The following LRP12 variants were observed in gnomAD, a reference collection of about 807,000 sequenced individuals.
The protein encoded by LRP12 is LDL receptor related protein 12, also known as low-density lipoprotein receptor-related protein 12.
A neutral mutation model predicts 66.0 loss-of-function variants in LRP12; 14 were observed. The ratio of observed to expected loss-of-function variants is 0.21; its 90% CI spans 0.14 to 0.33. The LOEUF (loss-of-function observed/expected upper bound fraction) is 0.33, where lower values mean the gene tolerates loss of function less well. Ranked by LOEUF, LRP12 falls within the 10% of genes least tolerant of loss-of-function variation. The pLI is 1.00. For synonymous variants in LRP12, 357 were observed against 359.1 expected, an observed-to-expected ratio of 0.99 and a Z score of 0.07; for missense variants, 889 against 1,053.4, an observed-to-expected ratio of 0.84 and a Z score of 2.16.
chr8:104,563,496 T>C (rs1250389344), intron 1 of LRP12, among the ~76,000 whole-genome samples: 1 of 152,098 alleles, frequency 6.6e-6, no homozygotes, highest in Non-Finnish European at 1.5e-5. Context: ...GATAAGCAAA[T>C]GAATCTGTGT....
intron 2 of LRP12, among the ~76,000 whole-genome samples, chr8:104,524,295 T>C (rs1287437115): frequency 6.7e-6 from 1 of 150,366 alleles, no homozygotes; most frequent in East Asian, 1.9e-4. Flanking sequence ...AACGTACATA[T>C]ATTTAATTGA....
chr8:104,529,731 G>T (rs1162956659), intron 2 of LRP12, among the ~76,000 whole-genome samples: 1 of 152,074 alleles, frequency 6.6e-6, no homozygotes, highest in Non-Finnish European at 1.5e-5. Context: ...TGATTCAAAG[G>T]GTAAGAAAGA....
At chr8:104,551,789 C>T (rs1272285067) in intron 1 of LRP12, among the ~76,000 whole-genome samples, 2 of 152,130 alleles carry the variant, frequency 1.3e-5, no homozygotes, top group East Asian at 3.8e-4. Flanking sequence ...CAAAGAAAGT[C>T]CTTCTCCCCT....
chr8:104,554,886 T>C (rs1198405609), intron 1 of LRP12, among the ~76,000 whole-genome samples: 3 of 152,144 alleles, frequency 2.0e-5, no homozygotes, highest in African/African-American at 7.2e-5. Context: ...AAGCATCAGG[T>C]AACCTATAAA....
chr8:104,548,440 ATAT>A lies in LRP12; in HGVS notation c.80-16480_80-16478del, dbSNP rs551696751. Reference sequence around the variant, plus strand: ...ATTAATAATTAAAATATATAATTCTATATTATATTATATTTTGTATCTAATATA... The same window carrying A: ...ATTAATAATTAAAATATATAATTCTATATATTATATTTTGTATCTAATATA... On this transcript the variant is annotated intron_variant, in intron 1 of 6. Coordinates refer to ENST00000276654, the MANE Select transcript of LRP12 (RefSeq NM_013437.5). 7.2e-3 allele frequency among the ~76,000 whole-genome samples: 789 copies of A among 110,286 alleles called. 26 individuals are homozygous for A. Among genetic ancestry groups the A allele is most frequent in the African/African-American group, 0.019 (440 of 23,018 alleles). The allele number at this position is 110,286 out of a possible 152,430, so 72.4% of individuals were successfully genotyped here.
chr8:104,506,291 A>C (rs892909530), intron 3 of LRP12: 1 of 152,240 alleles, frequency 6.6e-6, no homozygotes, highest in African/African-American at 2.4e-5. Context: ...GCATAAAGAA[A>C]GTTAAGAAAT....
At chr8:104,536,281 A>G (rs916845362) in intron 1 of LRP12, among the ~76,000 whole-genome samples, 29 of 152,028 alleles carry the variant, frequency 1.9e-4, no homozygotes, top group African/African-American at 6.8e-4. Flanking sequence ...TTCATTAAAC[A>G]TTATTTCTTT....
In LRP12 at chr8:104,531,152, C is replaced by T. The variant is rs115802009; in HGVS notation, c.136+755G>A. On this transcript the variant is annotated intron_variant, in intron 2 of 6. Coordinates refer to ENST00000276654, the MANE Select transcript of LRP12 (RefSeq NM_013437.5). Reference sequence around the variant, plus strand: ...AAGTTAATCAATGGATTGATAAATACACTAAGTACAGTTTTAACCACACAA... The same window carrying T: ...AAGTTAATCAATGGATTGATAAATATACTAAGTACAGTTTTAACCACACAA... Among the ~76,000 whole-genome samples, 201 of 152,212 alleles carry T rather than the reference C, an allele frequency of 1.3e-3. 1 individual carries two copies. The highest frequency in any genetic ancestry group is 4.6e-3 in the African/African-American group (191 of 41,564).
At chr8:104,510,346 C>A (rs920734724) in intron 2 of LRP12, among the ~76,000 whole-genome samples, 5 of 152,160 alleles carry the variant, frequency 3.3e-5, no homozygotes, top group Non-Finnish European at 5.9e-5. Flanking sequence ...ATGATTCCTA[C>A]ATTATTTAAA....
At chr8:104,511,689 C>A (rs557483931) in intron 2 of LRP12, among the ~76,000 whole-genome samples, 1 of 152,256 alleles carries the variant, frequency 6.6e-6, no homozygotes, top group East Asian at 1.9e-4. Context: ...ATAACCTACT[C>A]CCTGAAGAAA....
intron 1 of LRP12, among the ~76,000 whole-genome samples, chr8:104,557,780 CAT>C (rs1289037853): frequency 1.3e-5 from 2 of 152,078 alleles, no homozygotes; most frequent in Non-Finnish European, 2.9e-5. Context: ...TCCTAAAATT[CAT>C]ATGAAACCAA....
rs567578066 is a variant in LRP12, at chr8:104,509,287, A to G, written c.137-213T>C. Among the ~76,000 whole-genome samples, 7 of 152,348 alleles carry G rather than the reference A, an allele frequency of 4.6e-5. No individual in the cohort carries two copies. In the East Asian group the frequency reaches 1.3e-3, roughly 29 times the overall value. ...GTCCCTTATTCCAATAAAATACAGT[A>G]GCCCCACTTATCGGACATTTTGCTT... On this transcript the variant is annotated intron_variant, in intron 2 of 6. Coordinates refer to ENST00000276654, the MANE Select transcript of LRP12 (RefSeq NM_013437.5).
rs1039329698 is a variant in LRP12, at chr8:104,583,276, T to C, written c.79+5543A>G. Among the ~76,000 whole-genome samples the C allele has an allele frequency of 5.9e-5, 9 of 152,294 alleles. No individual in the cohort carries two copies. The South Asian group carries it at 8.3e-4, about 14-fold the overall frequency. ...TCTAAATCCTAGAGTTTCTAAGTAT[T>C]GCTCTAATCTCATCCTGTCACTCTC... On this transcript the variant is annotated intron_variant, in intron 1 of 6. Coordinates refer to ENST00000276654, the MANE Select transcript of LRP12 (RefSeq NM_013437.5).
Position 104,495,094 on chromosome 8 carries a change from C to G in LRP12, c.1696G>C (p.Val566Leu), listed in dbSNP as rs1418137399. Residue 566 changes from valine (V) to leucine (L), a missense_variant, in exon 6 of 7, where the codon GTT becomes CTT. Physicochemically the swap from Val to Leu is conservative, Grantham distance 32. Transcript: ENST00000276654. ...GLIPPVEDFP[V>L]CSPNQASVLE... The stretch of plus-strand genomic sequence containing the variant: ...CAATATACCTGATTAGGTGAACAAA[C>G]AGGAAAATCTTCAACTGGTGGAATT... 8.7e-6 allele frequency: 14 copies of G among 1,613,284 alleles called. No homozygotes were observed. The highest frequency in any genetic ancestry group is 1.2e-5 in the Non-Finnish European group (14 of 1,179,764).
intron 6 of LRP12, among the ~76,000 whole-genome samples, chr8:104,494,194 A>T (rs1291550873): frequency 9.2e-5 from 14 of 152,228 alleles, no homozygotes; most frequent in Admixed American, 3.3e-4. Context: ...GCTGATATAA[A>T]GAAGCCACAA....
At chr8:104,536,441 G>A (rs1811393443) in intron 1 of LRP12, among the ~76,000 whole-genome samples, 1 of 151,962 alleles carries the variant, frequency 6.6e-6, no homozygotes, top group East Asian at 1.9e-4. Context: ...ATTTTGGGGT[G>A]GGGGGAGTAT....
chr8:104,548,339 A>ATATAT (rs376360608), intron 1 of LRP12, among the ~76,000 whole-genome samples: 21,610 of 42,918 alleles, frequency 0.5, 4,326 homozygotes, highest in Middle Eastern at 0.66. Context: ...TATTATATAA[A>ATATAT]TATATAAATA....
intron 1 of LRP12, among the ~76,000 whole-genome samples, chr8:104,588,408 G>C (rs549097935): frequency 7.5e-4 from 114 of 152,232 alleles, no homozygotes; most frequent in Admixed American, 1.2e-3. Context: ...TGAGGGGGCG[G>C]GGGGAAGGAC....
intron 1 of LRP12, among the ~76,000 whole-genome samples, chr8:104,575,359 G>A (rs1812149315): frequency 6.6e-6 from 1 of 152,190 alleles, no homozygotes; most frequent in Non-Finnish European, 1.5e-5. Context: ...AGGAAGGCAG[G>A]CACCCTGGCA....
Sources: gnomAD v4.1 joint callset for allele counts (sites outside exome capture counted in the v4.1 genomes callset) on GRCh38, gnomAD v4.1.1 for gene constraint, MANE v1.5 for transcripts, NCBI Gene and HGNC (gene_info 2026-07-23, HGNC 2026-07-21) for gene names.